VGLL4: variants seen among roughly 807,000 people sequenced by gnomAD.
VGLL4 encodes the protein vestigial like family member 4.
In VGLL4, 7 loss-of-function variants were observed where a neutral mutation model predicts 21.0. That is an observed-to-expected ratio of 0.33 (90% CI 0.19 to 0.63). The LOEUF (loss-of-function observed/expected upper bound fraction) is 0.63. VGLL4 is among the 20% of genes least tolerant of loss of function. VGLL4 has a pLI of 0.78. For missense variants in VGLL4, 394 were observed against 425.7 expected (o/e 0.93, Z 0.66); for synonymous variants, 222 against 173.2 (o/e 1.28, Z -2.21).
intron 1 of VGLL4, chr3:11,626,308 C>T (rs1244614041): frequency 2.2e-6 from 1 of 448,266 alleles, no homozygotes; most frequent in African/African-American, 2.0e-5. Context: ...CAAAAAAATA[C>T]ACTGCAAGCA....
intron 2 of VGLL4, among the ~76,000 whole-genome samples, chr3:11,657,574 A>T (rs1398944148): frequency 1.3e-4 from 20 of 152,186 alleles, no homozygotes; most frequent in Admixed American, 1.2e-3. Context: ...TGGAGAGAAC[A>T]CTGAGGCAAA....
rs544842695 is a variant in VGLL4 at position 11,717,808 on chromosome 3, T to A, written c.-14+2586A>T. Among the ~76,000 whole-genome samples, 8 of 152,280 alleles carry A rather than the reference T, an allele frequency of 5.3e-5. No individual in the cohort carries two copies. The South Asian group carries it at 1.7e-3, about 32-fold the overall frequency. On this transcript the variant is annotated intron_variant, in intron 1 of 5. Coordinates refer to the VGLL4 transcript ENST00000273038. ...AATTTATAAATAACACAAAATACTT[T>A]CAAAGCACATTATTCTCTGTAATTC...
At chr3:11,663,568 A>G (rs1224011168) in intron 2 of VGLL4, among the ~76,000 whole-genome samples, 1 of 152,078 alleles carries the variant, frequency 6.6e-6, no homozygotes, top group Non-Finnish European at 1.5e-5. Context: ...AAATACAAAA[A>G]TTAGCCAGGC....
At chr3:11,561,934 C>CTTGTCGTCCAGGCTGGAGTGCAT (rs1447244860) in intron 3 of VGLL4, among the ~76,000 whole-genome samples, 1 of 137,346 alleles carries the variant, frequency 7.3e-6, no homozygotes, top group African/African-American at 2.7e-5. Flanking sequence ...AAGTCTCACT[C>CTTGTCGTCCAGGCTGGAGTGCAT]TGTCGTCCAG....
At chr3:11,637,711 A>G (rs1404700680) in intron 1 of VGLL4, among the ~76,000 whole-genome samples, 2 of 152,262 alleles carry the variant, frequency 1.3e-5, no homozygotes, top group Non-Finnish European at 2.9e-5. Context: ...TCGAACTTAC[A>G]GAACATGTAA....
At chr3:11,564,337 C>T (rs2073323320) in intron 3 of VGLL4, among the ~76,000 whole-genome samples, 1 of 152,168 alleles carries the variant, frequency 6.6e-6, no homozygotes. Flanking sequence ...TGTGCAGGAC[C>T]CCAGCCCAAG....
intron 2 of VGLL4, among the ~76,000 whole-genome samples, chr3:11,583,814 A>T (rs1350171010): frequency 3.3e-5 from 5 of 152,134 alleles, no homozygotes; most frequent in Non-Finnish European, 5.9e-5. Context: ...GTTCCTCTCT[A>T]CCCAGGGCTG....
chr3:11,698,324 C>T (rs1250134293), intron 2 of VGLL4, among the ~76,000 whole-genome samples: 1 of 152,148 alleles, frequency 6.6e-6, no homozygotes, highest in Non-Finnish European at 1.5e-5. Context: ...GCTTGGGCAA[C>T]ATGGTGAAAC....
chr3:11,669,676 CT>C lies in VGLL4; in HGVS notation c.64+33294del, dbSNP rs111357264. On this transcript the variant is annotated intron_variant, in intron 2 of 5. Transcript: ENST00000273038. ...ATTCTAGAGTAAGGAATTAGAATAA[CT>C]TTTTTTTTTTTCATTTTATAGACAC... Among the ~76,000 whole-genome samples, 710 of 147,282 alleles carry C rather than the reference CT, an allele frequency of 4.8e-3. 3 individuals carry two copies. The highest frequency in any genetic ancestry group is 8.4e-3 in the African/African-American group (338 of 40,388).
At chr3:11,613,727 C>T (rs148375601) in intron 1 of VGLL4, among the ~76,000 whole-genome samples, 37 of 152,300 alleles carry the variant, frequency 2.4e-4, no homozygotes, top group African/African-American at 8.7e-4. Flanking sequence ...CTATGCGAAT[C>T]AATGAGAATT....
At chr3:11,638,033 T>G (rs2075621457) in intron 1 of VGLL4, among the ~76,000 whole-genome samples, 1 of 152,192 alleles carries the variant, frequency 6.6e-6, no homozygotes, top group African/African-American at 2.4e-5. Context: ...CCGACTGTTT[T>G]TATATATTTG....
intron 1 of VGLL4, chr3:11,626,327 G>A (rs771663685): frequency 6.1e-5 from 28 of 456,516 alleles, no homozygotes; most frequent in Non-Finnish European, 1.2e-4. Flanking sequence ...CACACAAACA[G>A]ACCACACAAA....
intron 1 of VGLL4, among the ~76,000 whole-genome samples, chr3:11,717,451 C>G (rs1323585922): frequency 6.7e-6 from 1 of 148,694 alleles, no homozygotes; most frequent in African/African-American, 2.5e-5. Context: ...GGTAACAGGG[C>G]TGCCTCCATA....
Position 11,601,955 on chromosome 3 carries a change from G to C in VGLL4, c.150C>G (p.His50Gln). 6 of 1,612,822 alleles carry C rather than the reference G, an allele frequency of 3.7e-6. No homozygotes were observed. Among genetic ancestry groups the C allele is most frequent in the Non-Finnish European group, 5.1e-6 (6 of 1,179,464 alleles). ...TLPVASALSSHRTGPPPISPS... is the reference protein window; with the variant it reads ...TLPVASALSSQRTGPPPISPS... Reference sequence around the variant, plus strand: ...GGCTGATTGGGGGAGGGCCGGTGCGGTGACTGCTGAGGGCAGAGGCCACCG... The same window carrying C: ...GGCTGATTGGGGGAGGGCCGGTGCGCTGACTGCTGAGGGCAGAGGCCACCG... The change falls in exon 2 of 5, where the codon CAC becomes CAG. Residue 50 changes from histidine (H) to glutamine (Q), a missense_variant. His to Gln is a conservative substitution (Grantham distance 24, BLOSUM62 0). Coordinates refer to ENST00000430365, the MANE Select transcript of VGLL4 (RefSeq NM_001128219.3).
chr3:11,582,199 A>T, intron 2 of VGLL4: 1 of 1,482,210 alleles, frequency 6.7e-7, no homozygotes, highest in Non-Finnish European at 9.3e-7. Context: ...CGCAGTTTAA[A>T]TTAATTACAG....
chr3:11,583,061 G>T (rs1418781324), intron 2 of VGLL4, among the ~76,000 whole-genome samples: 3 of 152,182 alleles, frequency 2.0e-5, no homozygotes, highest in Admixed American at 1.3e-4. Context: ...AAGTAGCCCG[G>T]AGAAGTGAAG....
intron 2 of VGLL4, among the ~76,000 whole-genome samples, chr3:11,600,225 G>A (rs532959492): frequency 6.6e-6 from 1 of 152,072 alleles, no homozygotes; most frequent in South Asian, 2.1e-4. Context: ...CAATGACAAG[G>A]ATATCACTGT....
chr3:11,641,943 G>A (rs561966299), intron 1 of VGLL4, among the ~76,000 whole-genome samples: 1 of 151,600 alleles, frequency 6.6e-6, no homozygotes, highest in East Asian at 1.9e-4. Context: ...TTAAAATATC[G>A]TATTACTTGT....
At chr3:11,609,665 G>A (rs1400627579) in intron 1 of VGLL4, among the ~76,000 whole-genome samples, 4 of 152,336 alleles carry the variant, frequency 2.6e-5, no homozygotes, top group Middle Eastern at 3.4e-3. Flanking sequence ...ATAAGGCGGC[G>A]TTAGCAATGG....
Sources: allele counts gnomAD v4.1 joint callset (sites outside exome capture counted in the v4.1 genomes callset), GRCh38; gene constraint gnomAD v4.1.1; transcripts MANE v1.5; gene names NCBI Gene and HGNC (gene_info 2026-07-23, HGNC 2026-07-21).